SEMA6D: variants seen among roughly 807,000 people sequenced by gnomAD.
SEMA6D encodes the protein semaphorin 6D.
SEMA6D carries 35 observed loss-of-function variants against 106.6 expected under a neutral mutation model. The ratio of observed to expected loss-of-function variants is 0.33; its 90% CI spans 0.25 to 0.44. The LOEUF (loss-of-function observed/expected upper bound fraction) is 0.44. SEMA6D is among the 20% of genes least tolerant of loss of function. SEMA6D has a pLI of 1.00. For missense variants in SEMA6D, 1,185 were observed against 1,345.9 expected (o/e 0.88, Z 1.87); for synonymous variants, 499 against 487.7 (o/e 1.02, Z -0.31).
At chr15:47,631,471 G>A (rs932082678) in intron 4 of SEMA6D, among the ~76,000 whole-genome samples, 4 of 151,386 alleles carry the variant, frequency 2.6e-5, no homozygotes, top group Non-Finnish European at 4.4e-5. Context: ...AAAAATGAAA[G>A]AAAAAGGAAA....
At chr15:47,281,878 A>C (rs897751437) in intron 1 of SEMA6D, among the ~76,000 whole-genome samples, 7 of 152,176 alleles carry the variant, frequency 4.6e-5, no homozygotes, top group African/African-American at 1.7e-4. Flanking sequence ...ATCTAAATAT[A>C]GATATTTTTA....
chr15:47,727,148 A>G (rs934767592), intron 1 of SEMA6D, among the ~76,000 whole-genome samples: 1 of 152,242 alleles, frequency 6.6e-6, no homozygotes, highest in Non-Finnish European at 1.5e-5. Flanking sequence ...CCCTGGGGCT[A>G]TTAAAAATCT....
intron 1 of SEMA6D, among the ~76,000 whole-genome samples, chr15:47,266,693 T>C (rs916767980): frequency 7.9e-5 from 12 of 152,062 alleles, no homozygotes; most frequent in African/African-American, 2.9e-4. Flanking sequence ...TGGTCCAGGA[T>C]AAGAAATACT....
At chr15:47,365,925 A>AG (rs1265615467) in intron 1 of SEMA6D, among the ~76,000 whole-genome samples, 2 of 116,414 alleles carry the variant, frequency 1.7e-5, no homozygotes, top group African/African-American at 3.7e-5. Flanking sequence ...GAGAGAGAGA[A>AG]AAGAAAGAAA....
At chr15:47,284,748 C>T (rs1229013636) in intron 1 of SEMA6D, among the ~76,000 whole-genome samples, 1 of 152,162 alleles carries the variant, frequency 6.6e-6, no homozygotes, top group Admixed American at 6.6e-5. Flanking sequence ...AGAAATGGGA[C>T]AAGGTTTCTT....
At chr15:47,465,360 C>A (rs1458638569) in intron 2 of SEMA6D, among the ~76,000 whole-genome samples, 1 of 152,116 alleles carries the variant, frequency 6.6e-6, no homozygotes, top group Admixed American at 6.6e-5. Flanking sequence ...AAGAAGTGGG[C>A]AAATAGTTGT....
At chr15:47,188,135 G>C (rs1421202008) in intron 1 of SEMA6D, among the ~76,000 whole-genome samples, 1 of 151,918 alleles carries the variant, frequency 6.6e-6, no homozygotes, top group Non-Finnish European at 1.5e-5. Context: ...GTTTATTTTG[G>C]GAACATTTTA....
intron 1 of SEMA6D, among the ~76,000 whole-genome samples, chr15:47,385,358 A>G (rs1160793824): frequency 6.6e-6 from 1 of 152,180 alleles, no homozygotes. Flanking sequence ...ATGCTCTTTC[A>G]TTGTACTGTG....
intron 4 of SEMA6D, among the ~76,000 whole-genome samples, chr15:47,652,177 AT>A (rs1376401961): frequency 2.0e-5 from 3 of 152,334 alleles, no homozygotes; most frequent in African/African-American, 7.2e-5. Context: ...AGTACTTTGC[AT>A]GTAGAAGCTT....
chr15:47,320,921 T>C (rs2143657853), intron 1 of SEMA6D, among the ~76,000 whole-genome samples: 1 of 152,268 alleles, frequency 6.6e-6, no homozygotes, highest in East Asian at 1.9e-4. Context: ...ATTTCTATCA[T>C]CAAGCACTGC....
chr15:47,460,651 G>T (rs189505241), intron 2 of SEMA6D, among the ~76,000 whole-genome samples: 73 of 152,176 alleles, frequency 4.8e-4, no homozygotes, highest in East Asian at 5.8e-4. Context: ...AACCTTTTGT[G>T]CAGATAATAT....
chr15:47,368,211 T>C (rs1348779706), intron 1 of SEMA6D, among the ~76,000 whole-genome samples: 1 of 152,224 alleles, frequency 6.6e-6, no homozygotes, highest in Non-Finnish European at 1.5e-5. Flanking sequence ...GCCCCAAGCC[T>C]CTGCCCATGC....
At chr15:47,198,969 C>G (rs1894539873) in intron 1 of SEMA6D, among the ~76,000 whole-genome samples, 1 of 152,142 alleles carries the variant, frequency 6.6e-6, no homozygotes, top group South Asian at 2.1e-4. Flanking sequence ...ATTCTGAGGA[C>G]TAAACAGGAA....
chr15:47,593,509 G>A (rs757285983), intron 3 of SEMA6D, among the ~76,000 whole-genome samples: 11 of 150,768 alleles, frequency 7.3e-5, no homozygotes, highest in Non-Finnish European at 1.3e-4. Context: ...CCCTGGGTTT[G>A]GACGATTGCC....
At chr15:47,403,891 G>A (rs1369615643) in intron 1 of SEMA6D, among the ~76,000 whole-genome samples, 6 of 152,152 alleles carry the variant, frequency 3.9e-5, no homozygotes, top group Non-Finnish European at 8.8e-5. Context: ...TTATATACAG[G>A]ATGGACTGAC....
chr15:47,402,568 C>A (rs1000939566), intron 1 of SEMA6D, among the ~76,000 whole-genome samples: 11 of 152,270 alleles, frequency 7.2e-5, no homozygotes, highest in African/African-American at 2.6e-4. Context: ...TGTGTTGGGG[C>A]GCTTTCAGGT....
At chr15:47,501,497 T>G (rs1398735051) in intron 3 of SEMA6D, among the ~76,000 whole-genome samples, 1 of 152,170 alleles carries the variant, frequency 6.6e-6, no homozygotes, top group African/African-American at 2.4e-5. Flanking sequence ...TGGGACATCG[T>G]TCTGTCTTCT....
intron 3 of SEMA6D, among the ~76,000 whole-genome samples, chr15:47,563,943 C>T (rs1156733504): frequency 6.6e-6 from 1 of 152,196 alleles, no homozygotes; most frequent in Non-Finnish European, 1.5e-5. Flanking sequence ...AAGGCAAGTG[C>T]TGGCAGATGG....
intron 3 of SEMA6D, among the ~76,000 whole-genome samples, chr15:47,511,427 A>G (rs1181360183): frequency 2.0e-5 from 3 of 152,200 alleles, no homozygotes; most frequent in Non-Finnish European, 4.4e-5. Flanking sequence ...GAGATGTAGC[A>G]TGACTTGACC....
Sources: gnomAD v4.1 joint callset for allele counts (sites outside exome capture counted in the v4.1 genomes callset) on GRCh38, gnomAD v4.1.1 for gene constraint, MANE v1.5 for transcripts, NCBI Gene and HGNC (gene_info 2026-07-23, HGNC 2026-07-21) for gene names.